SMIM14: variants seen among roughly 807,000 people sequenced by gnomAD.
SMIM14 encodes small integral membrane protein 14.
In SMIM14, 5 loss-of-function variants were observed where a neutral mutation model predicts 12.6. The ratio of observed to expected loss-of-function variants is 0.40; its 90% CI spans 0.21 to 0.83. The LOEUF is 0.83. Ranked by LOEUF, SMIM14 falls within the 40% of genes least tolerant of loss-of-function variation. SMIM14 has a pLI of 0.37. For missense variants in SMIM14, 86 were observed against 119.1 expected (o/e 0.72, Z 1.29); for synonymous variants, 30 against 40.1 (o/e 0.75, Z 0.95).
intron 2 of SMIM14, among the ~76,000 whole-genome samples, chr4:39,580,003 C>A (rs562355573): frequency 6.6e-6 from 1 of 152,192 alleles, no homozygotes; most frequent in Non-Finnish European, 1.5e-5. Flanking sequence ...AACAAAAAAT[C>A]TCTCTCTAGA....
intron 1 of SMIM14, among the ~76,000 whole-genome samples, chr4:39,606,980 A>G (rs1405201915): frequency 6.6e-6 from 1 of 152,212 alleles, no homozygotes; most frequent in East Asian, 1.9e-4. Context: ...AGATTACTGA[A>G]CTTGAAGACA....
At chr4:39,559,258 G>A (rs889940610) in intron 3 of SMIM14, among the ~76,000 whole-genome samples, 13 of 152,120 alleles carry the variant, frequency 8.5e-5, no homozygotes, top group Admixed American at 3.3e-4. Context: ...GTGGGGTGGC[G>A]TGAGCCTGTA....
At chr4:39,579,919 GACA>G (rs537048144) in intron 2 of SMIM14, among the ~76,000 whole-genome samples, 115 of 150,970 alleles carry the variant, frequency 7.6e-4, no homozygotes, top group South Asian at 1.5e-3. Flanking sequence ...AGATTCTAAT[GACA>G]ACAAGTGGAC....
Position 39,548,709 on chromosome 4 carries a change from A to G in SMIM14, c.*3417T>C, listed in dbSNP as rs1397480346. 1 of 152,268 alleles carries G rather than the reference A, an allele frequency of 6.6e-6. No homozygotes were observed. Among genetic ancestry groups the G allele is most frequent in the African/African-American group, 2.4e-5 (1 of 41,478 alleles). 9.4% of individuals were successfully genotyped at this position (152,268 alleles called of 1,614,324 possible). On this transcript the variant is annotated 3_prime_UTR_variant, in exon 5 of 5. Coordinates refer to ENST00000295958, the MANE Select transcript of SMIM14 (RefSeq NM_174921.3). ...ATGGAATAATATAAATTACTAGGTCAACAAGAATATTTCATGTATAGTACA... is the reference window on the plus strand; with the variant it reads ...ATGGAATAATATAAATTACTAGGTCGACAAGAATATTTCATGTATAGTACA...
intron 1 of SMIM14, among the ~76,000 whole-genome samples, chr4:39,619,993 C>T (rs1168711499): frequency 6.7e-6 from 1 of 150,186 alleles, no homozygotes; most frequent in Non-Finnish European, 1.5e-5. Flanking sequence ...CATCCCATGT[C>T]AGCCTCCTGA....
chr4:39,616,067 T>A (rs779773843), intron 1 of SMIM14, among the ~76,000 whole-genome samples: 1 of 152,246 alleles, frequency 6.6e-6, no homozygotes, highest in Non-Finnish European at 1.5e-5. Context: ...TGGCTTATTC[T>A]GCTAGGCTAT....
At chr4:39,578,392 T>C (rs996016244) in intron 2 of SMIM14, among the ~76,000 whole-genome samples, 7 of 152,180 alleles carry the variant, frequency 4.6e-5, no homozygotes, top group African/African-American at 1.7e-4. Context: ...CTTGACTTAC[T>C]TGGAGAAAAC....
intron 3 of SMIM14, among the ~76,000 whole-genome samples, chr4:39,562,269 C>T (rs879852888): frequency 3.3e-5 from 5 of 151,918 alleles, no homozygotes; most frequent in Admixed American, 6.6e-5. Flanking sequence ...CCCAGCTACT[C>T]GGGAGGCTGA....
chr4:39,576,995 G>C (rs1713231929), intron 2 of SMIM14, among the ~76,000 whole-genome samples: 1 of 151,610 alleles, frequency 6.6e-6, no homozygotes, highest in Non-Finnish European at 1.5e-5. Flanking sequence ...ACAGTCATGA[G>C]CCACCACACC....
intron 1 of SMIM14, among the ~76,000 whole-genome samples, chr4:39,621,287 T>TA (rs78041378): frequency 0.072 from 10,873 of 151,810 alleles, 672 homozygotes; most frequent in East Asian, 0.24. Flanking sequence ...ACTGTGCATT[T>TA]AAAAAAAATC....
At chr4:39,579,595 C>A (rs548115343) in intron 2 of SMIM14, among the ~76,000 whole-genome samples, 1 of 151,422 alleles carries the variant, frequency 6.6e-6, no homozygotes, top group African/African-American at 2.4e-5. Flanking sequence ...GTAATCCCAG[C>A]GCTTTGAAAG....
rs946153412 is a variant in SMIM14, at chr4:39,638,844, G to A, written c.-141C>T. ...GAAGGCTGCGGCTGCTCCGGACGCT[G>A]CTGCCACTGCCGTTTCTGGCCGCCG... On this transcript the variant is annotated 5_prime_UTR_variant, in exon 1 of 5. Coordinates refer to ENST00000295958, the MANE Select transcript of SMIM14 (RefSeq NM_174921.3). 6.1e-6 allele frequency: 6 copies of A among 985,780 alleles called. No homozygotes were observed. The highest frequency in any genetic ancestry group is 7.2e-6 in the Non-Finnish European group (6 of 830,326). The allele number at this position is 985,780 out of a possible 1,614,324, so 61.1% of individuals were successfully genotyped here.
chr4:39,625,070 T>A, intron 1 of SMIM14, among the ~76,000 whole-genome samples: 1 of 151,080 alleles, frequency 6.6e-6, no homozygotes, highest in East Asian at 2.0e-4. Flanking sequence ...AGACAAAAGT[T>A]AGCTGGGTGT....
chr4:39,583,176 C>T (rs1288454090), intron 2 of SMIM14, among the ~76,000 whole-genome samples: 2 of 152,118 alleles, frequency 1.3e-5, no homozygotes, highest in African/African-American at 4.8e-5. Flanking sequence ...GCAGCCTCGA[C>T]CTCCCAGGCT....
At chr4:39,635,224 C>T (rs940425826) in intron 1 of SMIM14, among the ~76,000 whole-genome samples, 3 of 152,102 alleles carry the variant, frequency 2.0e-5, no homozygotes, top group Non-Finnish European at 4.4e-5. Context: ...GACAAAAATG[C>T]AAGTGGGATT....
Position 39,546,544 on chromosome 4 carries a change from A to C in SMIM14, c.*5582T>G, listed in dbSNP as rs1236475913. The C allele has an allele frequency of 6.6e-6, 1 of 152,276 alleles. No homozygotes were observed. Among genetic ancestry groups the C allele is most frequent in the Non-Finnish European group, 1.5e-5 (1 of 68,048 alleles). The allele number at this position is 152,276 out of a possible 1,614,324, so 9.4% of individuals were successfully genotyped here. On this transcript the variant is annotated 3_prime_UTR_variant, in exon 5 of 5. Transcript: ENST00000295958. ...CCAACAACTCTACAAATTGAGATCC[A>C]GAACAGAGAAAGTCATCAGGTGAAA...
In SMIM14 at chr4:39,550,136, T is replaced by C. The variant is rs1329496668; in HGVS notation, c.*1990A>G. 1 of 152,072 alleles carries C rather than the reference T, an allele frequency of 6.6e-6. No homozygotes were observed. Among genetic ancestry groups the C allele is most frequent in the Non-Finnish European group, 1.5e-5 (1 of 68,028 alleles). The allele number at this position is 152,072 out of a possible 1,614,324, so 9.4% of individuals were successfully genotyped here. A position where few individuals can be genotyped will look rare whatever the true frequency, so the allele number is the denominator to read the frequency against. On this transcript the variant is annotated 3_prime_UTR_variant, in exon 5 of 5. Transcript: ENST00000295958. ...GAATTTATTCAATTCATACAAGTAA[T>C]TTACCAGATCTAAACAGTGAATAGA... is the stretch of plus-strand genomic sequence containing the variant.
Position 39,549,195 on chromosome 4 carries a change from A to C in SMIM14, c.*2931T>G, listed in dbSNP as rs1711544269. ...GGCGAAAGAGCAAAACTCCATCTCA[A>C]AACAACAACCAAAAAGAATCCAGAT... On this transcript the variant is annotated 3_prime_UTR_variant, in exon 5 of 5. Transcript: ENST00000295958. 6.6e-6 allele frequency: 1 copy of C among 152,152 alleles called. No individual in the cohort carries two copies. Among genetic ancestry groups the C allele is most frequent in the African/African-American group, 2.4e-5 (1 of 41,448 alleles). The allele number at this position is 152,152 out of a possible 1,614,324, so 9.4% of individuals were successfully genotyped here. A position where few individuals can be genotyped will look rare whatever the true frequency, so the allele number is the denominator to read the frequency against.
At chr4:39,603,287 G>A (rs757014487) in intron 2 of SMIM14, among the ~76,000 whole-genome samples, 8 of 152,096 alleles carry the variant, frequency 5.3e-5, no homozygotes, top group East Asian at 1.9e-4. Context: ...AGCTGGGCGC[G>A]GTGGCTCATG....
Sources: allele counts gnomAD v4.1 joint callset (sites outside exome capture counted in the v4.1 genomes callset), GRCh38; gene constraint gnomAD v4.1.1; transcripts MANE v1.5; gene names NCBI Gene and HGNC (gene_info 2026-07-23, HGNC 2026-07-21).